Variants in SLC8A1 observed in about 807,000 individuals in gnomAD.
SLC8A1 encodes the protein sodium/calcium exchanger 1.
A neutral mutation model predicts 68.3 loss-of-function variants in SLC8A1; 18 were observed. That is an observed-to-expected ratio of 0.26 (90% CI 0.18 to 0.39). The LOEUF is 0.39. SLC8A1 is among the 10% of genes least tolerant of loss of function. The pLI, the probability that SLC8A1 is intolerant of heterozygous loss-of-function variation, is 1.00. For missense variants in SLC8A1, 985 were observed against 1,156.7 expected, an observed-to-expected ratio of 0.85 and a Z score of 2.15; for synonymous variants, 475 against 415.5, an observed-to-expected ratio of 1.14 and a Z score of -1.74.
chr2:40,238,185 C>A (rs970994555), intron 2 of SLC8A1, among the ~76,000 whole-genome samples: 8 of 151,910 alleles, frequency 5.3e-5, no homozygotes, highest in African/African-American at 1.2e-4. Flanking sequence ...TGGGCAATGG[C>A]GGGCGCCCCT....
chr2:40,286,876 G>C (rs570125291), intron 2 of SLC8A1, among the ~76,000 whole-genome samples: 1 of 152,312 alleles, frequency 6.6e-6, no homozygotes, highest in African/African-American at 2.4e-5. Context: ...AACCAGCTCT[G>C]CACCTGTATT....
chr2:40,502,382 A>G (rs1305913764), intron 1 of SLC8A1, among the ~76,000 whole-genome samples: 1 of 151,978 alleles, frequency 6.6e-6, no homozygotes, highest in African/African-American at 2.4e-5. Context: ...CTCAAATTTC[A>G]TTAATAAATT....
At chr2:40,454,416 G>A (rs569769692), upstream of SLC8A1, among the ~76,000 whole-genome samples, 3 of 152,034 alleles carry the variant, frequency 2.0e-5, no homozygotes, top group African/African-American at 7.2e-5. Context: ...TTGTGACATG[G>A]AGTGACAAGA....
At chr2:40,233,617 A>C (rs2059974158) in intron 2 of SLC8A1, among the ~76,000 whole-genome samples, 2 of 137,272 alleles carry the variant, frequency 1.5e-5, no homozygotes, top group Non-Finnish European at 3.2e-5. Context: ...CCCATTTGTC[A>C]ATTTTGGCTT....
At chr2:40,411,940 G>T (rs534263792) in intron 2 of SLC8A1, among the ~76,000 whole-genome samples, 40 of 152,088 alleles carry the variant, frequency 2.6e-4, no homozygotes, top group African/African-American at 8.7e-4. Flanking sequence ...CATGTGTCAG[G>T]CATAGTTCTA....
At chr2:40,447,135 A>G (rs1701591249) in intron 1 of SLC8A1, among the ~76,000 whole-genome samples, 2 of 152,200 alleles carry the variant, frequency 1.3e-5, no homozygotes, top group Admixed American at 1.3e-4. Context: ...TCCTAGATCT[A>G]TTACATGTAC....
At chr2:40,185,267 G>A (rs1322159786) in intron 2 of SLC8A1, among the ~76,000 whole-genome samples, 4 of 152,160 alleles carry the variant, frequency 2.6e-5, no homozygotes, top group Non-Finnish European at 4.4e-5. Flanking sequence ...TTAAAAACAT[G>A]TATTCACACA....
At chr2:40,240,864 A>G (rs1226417039) in intron 2 of SLC8A1, among the ~76,000 whole-genome samples, 2 of 152,196 alleles carry the variant, frequency 1.3e-5, no homozygotes, top group African/African-American at 4.8e-5. Context: ...GGATGACAGA[A>G]TGATACCCCG....
intron 6 of SLC8A1, among the ~76,000 whole-genome samples, chr2:40,151,691 G>A (rs1275291838): frequency 6.6e-6 from 1 of 152,052 alleles, no homozygotes; most frequent in African/African-American, 2.4e-5. Flanking sequence ...GCTTTCCAAT[G>A]GCCAAAGCAA....
At chr2:40,201,911 CCTACATAT>C (rs1245594672) in intron 2 of SLC8A1, among the ~76,000 whole-genome samples, 2 of 151,926 alleles carry the variant, frequency 1.3e-5, no homozygotes, top group African/African-American at 4.8e-5. Context: ...TGGCTTACAA[CCTACATAT>C]CTATGTGCCT....
rs142802977 is a variant in SLC8A1, at chr2:40,112,098, C to G, written c.*3155G>C. 377 of 152,622 alleles carry G rather than the reference C, an allele frequency of 2.5e-3. 3 individuals are homozygous for G. The highest frequency in any genetic ancestry group is 8.7e-3 in the African/African-American group (362 of 41,568). The allele number at this position is 152,622 out of a possible 1,614,324, so 9.5% of individuals were successfully genotyped here. ...GTTGACGTTTGCAAGAGTTTGAATA[C>G]TTGGTGTCTGTTTTTTTCTTTGGAT... On this transcript the variant is annotated 3_prime_UTR_variant, in exon 8 of 8. Transcript: ENST00000406785.
intron 2 of SLC8A1, among the ~76,000 whole-genome samples, chr2:40,368,476 G>C (rs1559411001): frequency 6.6e-6 from 1 of 151,844 alleles, no homozygotes; most frequent in Admixed American, 6.6e-5. Flanking sequence ...AAATTTTATT[G>C]GGAGGAACTG....
At chr2:40,213,727 G>A (rs895172135) in intron 2 of SLC8A1, among the ~76,000 whole-genome samples, 19 of 152,106 alleles carry the variant, frequency 1.2e-4, no homozygotes, top group African/African-American at 1.4e-4. Flanking sequence ...TAGAAGGGGC[G>A]AAGTCCACTT....
exon 8 of SLC8A1, chr2:40,100,552 C>T (rs2125022812): frequency 6.6e-6 from 1 of 152,182 alleles, no homozygotes; most frequent in South Asian, 2.1e-4. Context: ...GGTGATTGTT[C>T]TAAGTACCTT....
intron 2 of SLC8A1, among the ~76,000 whole-genome samples, chr2:40,240,588 T>C (rs62148831): frequency 0.055 from 8,357 of 152,328 alleles, 556 homozygotes; most frequent in African/African-American, 0.16. Context: ...TGAATGTGCA[T>C]TTATGAACAC....
intron 2 of SLC8A1, among the ~76,000 whole-genome samples, chr2:40,365,687 A>C (rs547798969): frequency 4.6e-5 from 7 of 152,174 alleles, no homozygotes; most frequent in African/African-American, 1.7e-4. Flanking sequence ...ATTCATTTGC[A>C]TTTAACTTGT....
intron 2 of SLC8A1, among the ~76,000 whole-genome samples, chr2:40,414,555 A>G (rs1453661106): frequency 6.6e-6 from 1 of 152,130 alleles, no homozygotes; most frequent in African/African-American, 2.4e-5. Flanking sequence ...AAATTCTTCA[A>G]TGTTCTTGCC....
At chr2:40,368,286 A>T (rs1676902518) in intron 2 of SLC8A1, among the ~76,000 whole-genome samples, 1 of 152,070 alleles carries the variant, frequency 6.6e-6, no homozygotes, top group South Asian at 2.1e-4. Context: ...TATTTACAAT[A>T]ATATCATAAA....
At chr2:40,267,531 C>T (rs938059391) in intron 2 of SLC8A1, among the ~76,000 whole-genome samples, 1 of 152,150 alleles carries the variant, frequency 6.6e-6, no homozygotes, top group East Asian at 1.9e-4. Flanking sequence ...TTTGCCTCAA[C>T]TCAGTTGTAA....
Sources: gnomAD v4.1 joint callset for allele counts (sites outside exome capture counted in the v4.1 genomes callset) on GRCh38, gnomAD v4.1.1 for gene constraint, MANE v1.5 for transcripts, NCBI Gene and HGNC (gene_info 2026-07-23, HGNC 2026-07-21) for gene names.